The following GALNT11 variants were observed in gnomAD, a reference collection of about 807,000 sequenced individuals.
GALNT11 encodes the protein polypeptide N-acetylgalactosaminyltransferase 11, also known as UDP-GalNAc:polypeptide N-acetylgalactosaminyltransferase 11.
In GALNT11, 47 loss-of-function variants were observed where a neutral mutation model predicts 72.7. That is an observed-to-expected ratio of 0.65 (90% CI 0.51 to 0.82). GALNT11 has a LOEUF of 0.82. Among genes scored for constraint, GALNT11 ranks in the 40% least tolerant of loss-of-function variants. The probability of loss-of-function intolerance (pLI) is 0.00; values close to 1 mark genes in which losing one functional copy is unlikely to be tolerated. For synonymous variants in GALNT11, 270 were observed against 286.6 expected, an observed-to-expected ratio of 0.94 and a Z score of 0.58; for missense variants, 677 against 778.4, an observed-to-expected ratio of 0.87 and a Z score of 1.55.
chr7:152,030,981 T>C (rs1467932122), intron 1 of GALNT11, among the ~76,000 whole-genome samples: 1 of 152,258 alleles, frequency 6.6e-6, no homozygotes, highest in Non-Finnish European at 1.5e-5. Flanking sequence ...GGTTTCCTTG[T>C]GGTATTTAAT....
chr7:152,064,796 C>T (rs564240463), intron 1 of GALNT11, among the ~76,000 whole-genome samples: 1 of 152,344 alleles, frequency 6.6e-6, no homozygotes, highest in African/African-American at 2.4e-5. Context: ...TCTCTTCTGG[C>T]TTGTAGAGTT....
At chr7:152,079,852 A>C (rs1415953353) in intron 1 of GALNT11, among the ~76,000 whole-genome samples, 1 of 152,206 alleles carries the variant, frequency 6.6e-6, no homozygotes, top group Non-Finnish European at 1.5e-5. Flanking sequence ...TTAAAATATG[A>C]GTGTGCCTCT....
chr7:152,099,269 CTT>C (rs1348128398), intron 2 of GALNT11, among the ~76,000 whole-genome samples: 1 of 151,936 alleles, frequency 6.6e-6, no homozygotes, highest in Non-Finnish European at 1.5e-5. Flanking sequence ...TATCTCAACC[CTT>C]TACACCTGGA....
In GALNT11 at chr7:152,113,413, C is replaced by T. The variant is rs1490063736; in HGVS notation, c.1233+15C>T. On this transcript the variant is annotated intron_variant, in intron 8 of 11. Transcript: ENST00000430044. ...ATGAATACAAGGTGAGATGAAATTTCTTGTTTAGAAGGATGAATGATAGGC... is the reference window on the plus strand; with the variant it reads ...ATGAATACAAGGTGAGATGAAATTTTTTGTTTAGAAGGATGAATGATAGGC... 2 of 1,612,318 alleles carry T rather than the reference C, an allele frequency of 1.2e-6. No individual in the cohort carries two copies. Among genetic ancestry groups the T allele is most frequent in the Non-Finnish European group, 1.7e-6 (2 of 1,179,236 alleles).
intron 1 of GALNT11, among the ~76,000 whole-genome samples, chr7:152,054,052 A>G (rs905847398): frequency 6.6e-6 from 1 of 152,068 alleles, no homozygotes; most frequent in Non-Finnish European, 1.5e-5. Flanking sequence ...TCTTTTTAAT[A>G]TACTTGTTCC....
chr7:152,100,737 C>T (rs1041336394), intron 2 of GALNT11, 61 bp from the exon 3 acceptor site: 20 of 1,577,408 alleles, frequency 1.3e-5, no homozygotes, highest in Non-Finnish European at 1.5e-5. Context: ...ATCATAATAT[C>T]GTTAACAGTA....
intron 10 of GALNT11, chr7:152,119,057 CTCAG>C (rs997740719): frequency 7.7e-5 from 20 of 258,158 alleles, no homozygotes; most frequent in African/African-American, 2.9e-4. Flanking sequence ...TAGATGACAC[CTCAG>C]TCAGCTACTT....
At chr7:152,115,188 C>A (rs961031045) in intron 8 of GALNT11, among the ~76,000 whole-genome samples, 1 of 152,162 alleles carries the variant, frequency 6.6e-6, no homozygotes, top group Non-Finnish European at 1.5e-5. Context: ...GGAGGTCTGC[C>A]AGTTTAAACT....
chr7:152,096,951 T>C (rs2086427235), intron 2 of GALNT11, among the ~76,000 whole-genome samples: 1 of 151,980 alleles, frequency 6.6e-6, no homozygotes, highest in Non-Finnish European at 1.5e-5. Flanking sequence ...CCTCAGCCTC[T>C]CGAGTAGCTG....
At chr7:152,026,406 C>T (rs999897645) in intron 1 of GALNT11, among the ~76,000 whole-genome samples, 1 of 152,198 alleles carries the variant, frequency 6.6e-6, no homozygotes, top group Non-Finnish European at 1.5e-5. Context: ...AGATAAAAAG[C>T]CACACAGCTC....
At chr7:152,102,930 G>A (rs926769664) in intron 3 of GALNT11, among the ~76,000 whole-genome samples, 182 bp from the exon 4 acceptor site, 2 of 148,294 alleles carry the variant, frequency 1.3e-5, no homozygotes, top group African/African-American at 2.5e-5. Flanking sequence ...ACGATGAGCC[G>A]AGATAGCGCC....
intron 1 of GALNT11, among the ~76,000 whole-genome samples, chr7:152,055,436 AATTT>A: frequency 6.6e-6 from 1 of 152,060 alleles, no homozygotes; most frequent in South Asian, 2.1e-4. Context: ...ATTGCTAGGT[AATTT>A]ATTCTGTCTC....
intron 1 of GALNT11, among the ~76,000 whole-genome samples, chr7:152,061,395 T>C (rs1447264820): frequency 6.6e-6 from 1 of 152,228 alleles, no homozygotes; most frequent in African/African-American, 2.4e-5. Flanking sequence ...GATGAGTAGA[T>C]TGTAAAATTT....
chr7:152,044,880 C>A (rs2083041950), intron 1 of GALNT11, among the ~76,000 whole-genome samples: 1 of 151,692 alleles, frequency 6.6e-6, no homozygotes, highest in South Asian at 2.1e-4. Flanking sequence ...AGAAGAAAAA[C>A]TTTCAGTCTT....
chr7:152,100,705 AT>A (rs2086806568), intron 2 of GALNT11, 92 bp from the exon 3 acceptor site: 1 of 1,466,460 alleles, frequency 6.8e-7, no homozygotes, highest in African/African-American at 1.4e-5. Context: ...TTATAATAGG[AT>A]AAAGTCAGCA....
intron 1 of GALNT11, among the ~76,000 whole-genome samples, chr7:152,075,939 G>A (rs951275175): frequency 8.6e-5 from 13 of 151,910 alleles, no homozygotes; most frequent in African/African-American, 3.1e-4. Flanking sequence ...GCGGACTCCT[G>A]TAGTCCTGGC....
intron 11 of GALNT11, 102 bp from the exon 12 acceptor site, chr7:152,121,444 T>C (rs2089427137): frequency 7.1e-7 from 1 of 1,406,820 alleles, no homozygotes; most frequent in South Asian, 1.4e-5. Context: ...GAGGGGACTA[T>C]TGTATCCCTT....
intron 1 of GALNT11, among the ~76,000 whole-genome samples, chr7:152,041,722 A>G (rs2082870216): frequency 6.6e-6 from 1 of 152,220 alleles, no homozygotes; most frequent in East Asian, 1.9e-4. Flanking sequence ...TCCTCTAAGG[A>G]TAGAAAATAG....
chr7:152,072,375 C>A (rs554982019), intron 1 of GALNT11, among the ~76,000 whole-genome samples: 1 of 151,372 alleles, frequency 6.6e-6, no homozygotes, highest in Non-Finnish European at 1.5e-5. Flanking sequence ...AGTTCCTCTT[C>A]AAAGCTTCCC....
Sources: gnomAD v4.1 joint callset for allele counts (sites outside exome capture counted in the v4.1 genomes callset) on GRCh38, gnomAD v4.1.1 for gene constraint, MANE v1.5 for transcripts, NCBI Gene and HGNC (gene_info 2026-07-23, HGNC 2026-07-21) for gene names.